RTTN: variants seen among roughly 807,000 people sequenced by gnomAD.
RTTN encodes the protein rotatin.
A neutral mutation model predicts 269.2 loss-of-function variants in RTTN; 182 were observed. The observed-to-expected ratio is 0.68, with a 90% confidence interval of 0.60 to 0.76. The LOEUF is 0.76. RTTN is among the 30% of genes least tolerant of loss of function. The probability of loss-of-function intolerance (pLI) is 0.00; values close to 1 mark genes in which losing one functional copy is unlikely to be tolerated. For missense variants in RTTN, 2,545 were observed against 2,608.6 expected, an observed-to-expected ratio of 0.98 and a Z score of 0.53; for synonymous variants, 1,006 against 963.5, an observed-to-expected ratio of 1.04 and a Z score of -0.82.
At chr18:70,201,734 C>T (rs574014885) in intron 4 of RTTN, among the ~76,000 whole-genome samples, 160 bp downstream of exon 4, 1 of 150,312 alleles carries the variant, frequency 6.7e-6, no homozygotes. Context: ...ATCATTTCTA[C>T]TCGATATCCT....
At chr18:70,095,573 T>C (rs901886365) in intron 28 of RTTN, among the ~76,000 whole-genome samples, 2 of 152,186 alleles carry the variant, frequency 1.3e-5, no homozygotes, top group African/African-American at 4.8e-5. Flanking sequence ...TGGCTAGATA[T>C]GAAATTCTGG....
rs80026146 is a variant in RTTN, at chr18:70,177,789, G to A, written c.1306-944C>T. Among the ~76,000 whole-genome samples the A allele has an allele frequency of 8.8e-3, 1,341 of 152,242 alleles. 26 individuals carry two copies. Among genetic ancestry groups the A allele is most frequent in the African/African-American group, 0.03 (1,246 of 41,524 alleles). ...GTATGAGGCCCAAAAAGCACAAGTC[G>A]TTGGCAAGAATATGGAAAAAATGGA... On this transcript the variant is annotated intron_variant, in intron 10 of 48. Transcript: ENST00000640769.
chr18:70,170,243 A>G (rs1276503026), intron 11 of RTTN, among the ~76,000 whole-genome samples: 3 of 152,160 alleles, frequency 2.0e-5, no homozygotes. Context: ...TATGCCAGGT[A>G]CCTCTCCAGT....
At chr18:70,024,597 A>G (rs1220805111) in intron 44 of RTTN, 125 bp downstream of exon 44, 1 of 883,006 alleles carries the variant, frequency 1.1e-6, no homozygotes, top group Non-Finnish European at 1.7e-6. Context: ...GCCTTTGCCC[A>G]TCATATCCTC....
intron 46 of RTTN, among the ~76,000 whole-genome samples, chr18:70,013,391 ATATG>A (rs1376964290): frequency 6.6e-6 from 1 of 151,504 alleles, no homozygotes; most frequent in Non-Finnish European, 1.5e-5. Flanking sequence ...GTATATATAC[ATATG>A]TGTGTGTGTG....
chr18:70,114,325 T>C, intron 27 of RTTN, 120 bp downstream of exon 27: 1 of 936,042 alleles, frequency 1.1e-6, no homozygotes, highest in Non-Finnish European at 1.6e-6. Flanking sequence ...CTGATTATTA[T>C]TTAAGTATTT....
intron 25 of RTTN, among the ~76,000 whole-genome samples, chr18:70,125,293 G>T (rs1375849645): frequency 6.6e-6 from 1 of 151,906 alleles, no homozygotes; most frequent in African/African-American, 2.4e-5. Flanking sequence ...CTGGATAGTT[G>T]AGTTTGCTAA....
At chr18:70,178,138 G>C (rs930195567) in intron 10 of RTTN, among the ~76,000 whole-genome samples, 1 of 152,082 alleles carries the variant, frequency 6.6e-6, no homozygotes, top group Non-Finnish European at 1.5e-5. Flanking sequence ...ATCCCAGCAG[G>C]ATTGAACTTG....
chr18:70,105,039 G>A lies in RTTN; in HGVS notation c.3903+4459C>T, dbSNP rs144989957. 3.3e-3 allele frequency among the ~76,000 whole-genome samples: 497 copies of A among 152,292 alleles called. 1 individual carries two copies. The highest frequency in any genetic ancestry group is 0.011 in the African/African-American group (468 of 41,580). ...CTCTTCAAAGCTGTCAGACAGGGAC[G>A]TTTAAGTCTACAGAGGTTTCTGCTG... On this transcript the variant is annotated intron_variant, in intron 28 of 48. Coordinates refer to ENST00000640769, the MANE Select transcript of RTTN (RefSeq NM_173630.4).
At chr18:70,167,649 C>A (rs1599873303) in intron 12 of RTTN, among the ~76,000 whole-genome samples, 1 of 150,654 alleles carries the variant, frequency 6.6e-6, no homozygotes. Context: ...GCTTGCAGTG[C>A]GCCAAGACTG....
intron 46 of RTTN, among the ~76,000 whole-genome samples, chr18:70,010,507 A>G (rs1184978032): frequency 6.6e-6 from 1 of 152,222 alleles, no homozygotes; most frequent in Non-Finnish European, 1.5e-5. Context: ...TAACACAATT[A>G]AGGCAGAAAT....
chr18:70,102,605 C>T (rs1463628115), intron 28 of RTTN, among the ~76,000 whole-genome samples: 1 of 152,130 alleles, frequency 6.6e-6, no homozygotes, highest in Non-Finnish European at 1.5e-5. Flanking sequence ...TGAATTCAAT[C>T]CTGTCATCAT....
chr18:70,088,182 T>G, intron 30 of RTTN, 35 bp from the exon 31 acceptor site: 4 of 1,566,370 alleles, frequency 2.6e-6, no homozygotes, highest in Non-Finnish European at 3.5e-6. Context: ...TTGAATCAAA[T>G]AAGCCTTTTT....
intron 37 of RTTN, among the ~76,000 whole-genome samples, chr18:70,055,158 C>T (rs1720881415): frequency 6.6e-6 from 1 of 152,092 alleles, no homozygotes; most frequent in Admixed American, 6.5e-5. Context: ...GGCAAAAGTA[C>T]TTTTCAGAAA....
At chr18:70,032,415 C>T (rs1404786817) in intron 40 of RTTN, among the ~76,000 whole-genome samples, 1 of 152,202 alleles carries the variant, frequency 6.6e-6, no homozygotes, top group Non-Finnish European at 1.5e-5. Context: ...CTCCTTCATG[C>T]CGCCTTGCCT....
Position 70,127,799 on chromosome 18 carries a change from C to A in RTTN, c.3144-58G>T, listed in dbSNP as rs2059904769. 3 of 1,451,454 alleles carry A rather than the reference C, an allele frequency of 2.1e-6. No individual in the cohort carries two copies. In the South Asian group the frequency reaches 3.8e-5, roughly 18 times the overall value. The allele number at this position is 1,451,454 out of a possible 1,614,324, so 89.9% of individuals were successfully genotyped here. A position where few individuals can be genotyped will look rare whatever the true frequency, so the allele number is the denominator to read the frequency against. ...ATAAAGCTATTTAAATAAAAGCTCA[C>A]ACTTATTTCTATTATAAACTCTCCC... On this transcript the variant is annotated intron_variant, in intron 24 of 48. Transcript: ENST00000640769.
intron 46 of RTTN, 64 bp downstream of exon 46, chr18:70,017,343 G>T: frequency 7.2e-7 from 1 of 1,388,836 alleles, no homozygotes; most frequent in Non-Finnish European, 9.9e-7. Flanking sequence ...AAAATTATTT[G>T]GTGTTGACCT....
chr18:70,176,068 T>C (rs764864721), intron 11 of RTTN, among the ~76,000 whole-genome samples: 2 of 152,128 alleles, frequency 1.3e-5, no homozygotes, highest in Non-Finnish European at 2.9e-5. Flanking sequence ...TATATATGTA[T>C]ATATGTATGG....
intron 11 of RTTN, among the ~76,000 whole-genome samples, chr18:70,170,754 G>C (rs547695251): frequency 6.6e-6 from 1 of 152,314 alleles, no homozygotes; most frequent in African/African-American, 2.4e-5. Flanking sequence ...ATGTGCAAAA[G>C]TGGAAGCTAA....
Sources: allele counts gnomAD v4.1 joint callset (sites outside exome capture counted in the v4.1 genomes callset), GRCh38; gene constraint gnomAD v4.1.1; transcripts MANE v1.5; gene names NCBI Gene and HGNC (gene_info 2026-07-23, HGNC 2026-07-21).